CATSPERB: variants seen among roughly 807,000 people sequenced by gnomAD.
The protein encoded by CATSPERB is catsper channel auxiliary subunit beta.
A neutral mutation model predicts 128.3 loss-of-function variants in CATSPERB; 93 were observed. The ratio of observed to expected loss-of-function variants is 0.72; its 90% CI spans 0.61 to 0.86. CATSPERB has a LOEUF of 0.86. CATSPERB is among the 40% of genes least tolerant of loss of function. The probability of loss-of-function intolerance (pLI) is 0.00; values close to 1 mark genes in which losing one functional copy is unlikely to be tolerated. For synonymous variants in CATSPERB, 381 were observed against 448.8 expected (o/e 0.85, Z 1.91); for missense variants, 1,153 against 1,329.5 (o/e 0.87, Z 2.06).
chr14:91,698,030 G>C (rs758768671), intron 7 of CATSPERB, among the ~76,000 whole-genome samples: 2 of 151,994 alleles, frequency 1.3e-5, no homozygotes, highest in Non-Finnish European at 2.9e-5. Flanking sequence ...TTTTCCATTC[G>C]TTTGTATCAT....
intron 22 of CATSPERB, among the ~76,000 whole-genome samples, chr14:91,595,658 C>A (rs1170888156): frequency 2.0e-5 from 3 of 152,158 alleles, no homozygotes; most frequent in African/African-American, 7.2e-5. Flanking sequence ...AAATATGAGG[C>A]CAGTTTCCCA....
chr14:91,596,341 C>T (rs1187421202), intron 22 of CATSPERB, among the ~76,000 whole-genome samples: 1 of 151,984 alleles, frequency 6.6e-6, no homozygotes, highest in Admixed American at 6.6e-5. Flanking sequence ...GTAGCTGGGA[C>T]TACAGGCGCC....
At chr14:91,600,592 C>T (rs765526415) in intron 22 of CATSPERB, among the ~76,000 whole-genome samples, 27 of 152,224 alleles carry the variant, frequency 1.8e-4, no homozygotes, top group Non-Finnish European at 3.1e-4. Flanking sequence ...AAAGACACTT[C>T]AACACATACT....
intron 4 of CATSPERB, among the ~76,000 whole-genome samples, 175 bp from the exon 5 acceptor site, chr14:91,719,653 T>C (rs1895997600): frequency 6.6e-6 from 1 of 152,196 alleles, no homozygotes; most frequent in South Asian, 2.1e-4. Flanking sequence ...ATGTGTGAAA[T>C]AAAATGTGTT....
intron 9 of CATSPERB, among the ~76,000 whole-genome samples, chr14:91,692,108 C>T (rs1895482101): frequency 7.0e-6 from 1 of 143,816 alleles, no homozygotes; most frequent in African/African-American, 2.6e-5. Context: ...ACCTAGGAGG[C>T]GGAGATTGCA....
chr14:91,580,759 G>A lies in CATSPERB; in HGVS notation c.*130C>T. 1.5e-6 allele frequency: 1 copy of A among 686,946 alleles called. No individual in the cohort carries two copies. Among genetic ancestry groups the A allele is most frequent in the Admixed American group, 2.9e-5 (1 of 34,620 alleles). 42.6% of individuals were successfully genotyped at this position (686,946 alleles called of 1,614,324 possible). A position where few individuals can be genotyped will look rare whatever the true frequency, so the allele number is the denominator to read the frequency against. On this transcript the variant is annotated 3_prime_UTR_variant, in exon 27 of 27. Coordinates refer to ENST00000256343, the MANE Select transcript of CATSPERB (RefSeq NM_024764.4). The stretch of plus-strand genomic sequence containing the variant: ...AAGGAAATGGTGAATATATTGACAA[G>A]TAGCAATTTGAATTATAATGACAAT...
At position 91,693,467 on chromosome 14, in the gene CATSPERB, C is replaced by T. The variant is rs753901176; in HGVS notation, c.629G>A (p.Gly210Asp). 1.9e-6 allele frequency: 3 copies of T among 1,613,438 alleles called. No homozygotes were observed. The highest frequency in any genetic ancestry group is 2.2e-5 in the East Asian group (1 of 44,872). Residue 210 changes from glycine (G) to aspartate (D), a missense_variant, in exon 8 of 27, where the codon GGC becomes GAC. Transcript: ENST00000256343. ...ATGCCAGAATCCACCAAAGGTTATG[C>T]CTATGTAAACACCTACCATGAAACA... ...VDTIVDGVYI[G>D]ITFGGFWHDY...
At chr14:91,684,605 C>CT (rs1160778932) in intron 10 of CATSPERB, among the ~76,000 whole-genome samples, 23,903 of 112,290 alleles carry the variant, frequency 0.21, 2,642 homozygotes, top group Non-Finnish European at 0.29. Context: ...GGAGACACTT[C>CT]TTTTTTTTTT....
In CATSPERB at chr14:91,610,573, C is replaced by G. The variant is rs768219249; in HGVS notation, c.2505G>C (p.Met835Ile). Residue 835 changes from methionine to isoleucine, a missense_variant, in exon 21 of 27, where the codon ATG becomes ATC. By Grantham distance (10) the Met-to-Ile change is conservative. Transcript: ENST00000256343. Reference protein sequence around the residue: ...LKSSCSYLRSMHHIPSKFIPF... With the variant: ...LKSSCSYLRSIHHIPSKFIPF... ...GGATAAATTTGCTAGGAATGTGATGCATAGATCTGAGATAACTACAGCTGC... is the reference window on the plus strand; with the variant it reads ...GGATAAATTTGCTAGGAATGTGATGGATAGATCTGAGATAACTACAGCTGC... 4.3e-6 allele frequency: 7 copies of G among 1,614,002 alleles called. No homozygotes were observed. Among genetic ancestry groups the G allele is most frequent in the Non-Finnish European group, 5.9e-6 (7 of 1,179,996 alleles).
chr14:91,699,580 T>C (rs1475075061), intron 7 of CATSPERB, among the ~76,000 whole-genome samples: 3 of 152,056 alleles, frequency 2.0e-5, no homozygotes, highest in African/African-American at 7.2e-5. Flanking sequence ...ATTAACTTTT[T>C]TTTTTTTTTT....
intron 22 of CATSPERB, chr14:91,604,754 A>G (rs2093367): frequency 6.2e-7 from 1 of 1,613,862 alleles, no homozygotes; most frequent in East Asian, 2.2e-5. Context: ...GTTCCCAGTC[A>G]TGTTCACCAG....
intron 17 of CATSPERB, among the ~76,000 whole-genome samples, chr14:91,634,248 T>C (rs757311076): frequency 6.6e-6 from 1 of 152,200 alleles, no homozygotes; most frequent in Non-Finnish European, 1.5e-5. Flanking sequence ...TATTTATTAT[T>C]TCTTAAGTGG....
At chr14:91,594,454 G>T (rs980595868) in intron 22 of CATSPERB, among the ~76,000 whole-genome samples, 2 of 149,882 alleles carry the variant, frequency 1.3e-5, no homozygotes, top group Admixed American at 1.3e-4. Context: ...TTGTGCACAT[G>T]TACCCTAAAA....
chr14:91,639,286 TG>T (rs1566714580), intron 15 of CATSPERB, 36 bp from the exon 16 acceptor site: 1 of 1,582,870 alleles, frequency 6.3e-7, no homozygotes, highest in Non-Finnish European at 8.6e-7. Flanking sequence ...TTGATACTGA[TG>T]TAACAGAAGT....
At chr14:91,610,354 A>T in intron 21 of CATSPERB, 126 bp downstream of exon 21, 1 of 681,002 alleles carries the variant, frequency 1.5e-6, no homozygotes, top group Non-Finnish European at 2.4e-6. Flanking sequence ...CATGAGGATT[A>T]AAAAATAACT....
At chr14:91,590,303 G>T (rs1314514432) in intron 23 of CATSPERB, among the ~76,000 whole-genome samples, 2 of 152,162 alleles carry the variant, frequency 1.3e-5, no homozygotes, top group Non-Finnish European at 2.9e-5. Flanking sequence ...GGTGGAGGCA[G>T]GTGGATCACT....
chr14:91,710,642 T>C (rs1474020684), intron 5 of CATSPERB: 1 of 152,214 alleles, frequency 6.6e-6, no homozygotes, highest in African/African-American at 2.4e-5. Context: ...TGATAGAACT[T>C]TCTAGTCCTC....
intron 10 of CATSPERB, among the ~76,000 whole-genome samples, chr14:91,687,667 T>C (rs1288068771): frequency 2.0e-5 from 3 of 152,118 alleles, no homozygotes; most frequent in African/African-American, 7.2e-5. Context: ...CAAAAATCCT[T>C]ATCTAAGCTG....
intron 22 of CATSPERB, chr14:91,592,243 C>T: frequency 2.1e-6 from 1 of 484,844 alleles, no homozygotes; most frequent in Non-Finnish European, 3.7e-6. Flanking sequence ...TCACCTCGTG[C>T]AGTTGCATGG....
Sources: allele counts gnomAD v4.1 joint callset (sites outside exome capture counted in the v4.1 genomes callset), GRCh38; gene constraint gnomAD v4.1.1; transcripts MANE v1.5; gene names NCBI Gene and HGNC (gene_info 2026-07-23, HGNC 2026-07-21).